The following PLTP variants were observed in gnomAD, a reference collection of about 807,000 sequenced individuals.
PLTP encodes BPI fold containing family E.
Under a neutral mutation model 54.1 loss-of-function variants are expected in PLTP, and 43 were observed. The observed-to-expected ratio is 0.79, with a 90% confidence interval of 0.62 to 1.02. PLTP has a LOEUF of 1.02. Ranked by LOEUF, PLTP falls within the 50% of genes least tolerant of loss-of-function variation. PLTP has a pLI of 0.00. For synonymous variants in PLTP, 263 were observed against 264.6 expected (o/e 0.99, Z 0.06); for missense variants, 604 against 645.9 (o/e 0.94, Z 0.70).
At chr20:45,899,405 G>C in intron 15 of PLTP, 57 bp downstream of exon 15, 6 of 1,563,346 alleles carry the variant, frequency 3.8e-6, no homozygotes, top group Non-Finnish European at 5.3e-6. Context: ...GAGGGCACTG[G>C]GGAGCTATAG....
rs1391285605 is a variant in PLTP, at chr20:45,903,293, C to T, written c.943-689G>A. ...CGGCTCACTGCAGCCTCAACCTCCT[C>T]AGCTCAAATTATCCTGCCACATCAG... On this transcript the variant is annotated intron_variant, in intron 10 of 15. Coordinates refer to ENST00000372431, the MANE Select transcript of PLTP (RefSeq NM_006227.4). 3.9e-5 allele frequency among the ~76,000 whole-genome samples: 6 copies of T among 152,346 alleles called. No homozygotes were observed. The East Asian group carries it at 1.2e-3, about 29-fold the overall frequency.
At position 45,904,793 on chromosome 20, in the gene PLTP, C is replaced by T; in HGVS notation, c.942+7G>A. 6.2e-7 allele frequency: 1 copy of T among 1,614,138 alleles called. No homozygotes were observed. Among genetic ancestry groups the T allele is most frequent in the East Asian group, 2.2e-5 (1 of 44,876 alleles). On this transcript the variant is annotated splice_region_variant and intron_variant, in intron 10 of 15. Coordinates refer to ENST00000372431, the MANE Select transcript of PLTP (RefSeq NM_006227.4). ...GTGGCCCTATCCCTGCCCCCGCCAG[C>T]ACTCACCAGCAGGACAATGCTCCCA...
Position 45,898,991 on chromosome 20 carries a change from C to T in PLTP, c.1432G>A (p.Ala478Thr). ...GGGGCAGTGGACGCCCTGACATCAGCAGGCCGGTTCTTCTCAATCACCTCT... is the reference window on the plus strand; with the variant it reads ...GGGGCAGTGGACGCCCTGACATCAGTAGGCCGGTTCTTCTCAATCACCTCT... ...LREVIEKNRP[A>T]DVRASTAPTP... The change falls in exon 16 of 16, where the codon GCT becomes ACT. Residue 478 changes from alanine (A) to threonine (T), a missense_variant. Physicochemically the swap from Ala to Thr is moderately conservative, Grantham distance 58. Transcript: ENST00000372431. This position sits in a 1 kb window ranked among gnomAD's most constrained non-coding sequence, Gnocchi z 4.6. 6.2e-7 allele frequency: 1 copy of T among 1,614,150 alleles called. No individual in the cohort carries two copies. The highest frequency in any genetic ancestry group is 8.5e-7 in the Non-Finnish European group (1 of 1,180,000).
chr20:45,898,877 G>T lies in PLTP; in HGVS notation c.*64C>A. On this transcript the variant is annotated 3_prime_UTR_variant, in exon 16 of 16. Transcript: ENST00000372431. The surrounding 1 kb of genome is among the most constrained non-coding windows in gnomAD (Gnocchi z 4.6). ...GGGGGCACTACAGGCTATGAATGTG[G>T]GAAAAGAGGGGCTGAGAGGGGTTGG... 6.3e-7 allele frequency: 1 copy of T among 1,586,360 alleles called. No individual in the cohort carries two copies. The highest frequency in any genetic ancestry group is 8.6e-7 in the Non-Finnish European group (1 of 1,163,090).
At chr20:45,908,007 C>T in intron 5 of PLTP, 103 bp from the exon 6 acceptor site, 1 of 1,010,110 alleles carries the variant, frequency 9.9e-7, no homozygotes, top group Non-Finnish European at 1.5e-6. Context: ...TAGGAGTCCT[C>T]AGCTTCAGCC....
chr20:45,898,902 G>A lies in PLTP; in HGVS notation c.*39C>T. On this transcript the variant is annotated 3_prime_UTR_variant, in exon 16 of 16. Transcript: ENST00000372431. This position sits in a 1 kb window ranked among gnomAD's most constrained non-coding sequence, Gnocchi z 4.6. ...GGAAAAGAGGGGCTGAGAGGGGTTGGGGTCCTGAATGACAGCTGCCAGCTT... is the reference window on the plus strand; with the variant it reads ...GGAAAAGAGGGGCTGAGAGGGGTTGAGGTCCTGAATGACAGCTGCCAGCTT... 1 of 1,609,544 alleles carries A rather than the reference G, an allele frequency of 6.2e-7. No homozygotes were observed. Among genetic ancestry groups the A allele is most frequent in the Non-Finnish European group, 8.5e-7 (1 of 1,177,078 alleles).
At chr20:45,909,785 A>AC in intron 4 of PLTP, 114 bp from the exon 5 acceptor site, 1 of 1,443,860 alleles carries the variant, frequency 6.9e-7, no homozygotes, top group Non-Finnish European at 9.7e-7. Flanking sequence ...ATCCTACCAA[A>AC]CCTTCCTATC....
chr20:45,901,919 T>G (rs866716642), intron 12 of PLTP, among the ~76,000 whole-genome samples: 5 of 149,696 alleles, frequency 3.3e-5, no homozygotes, highest in Admixed American at 6.7e-5. Context: ...AAAAAAAGAA[T>G]AATAACATTT....
chr20:45,904,143 T>C (rs2083213876), intron 10 of PLTP, among the ~76,000 whole-genome samples: 1 of 152,186 alleles, frequency 6.6e-6, no homozygotes, highest in Non-Finnish European at 1.5e-5. Flanking sequence ...AATTGGATGA[T>C]GATAATGACT....
intron 15 of PLTP, 105 bp from the exon 16 acceptor site, chr20:45,899,168 A>G (rs2083148692): frequency 3.4e-6 from 5 of 1,491,392 alleles, no homozygotes; most frequent in Non-Finnish European, 3.7e-6. Flanking sequence ...AATCTAATGG[A>G]TAATTCCATG....
chr20:45,910,141 T>G, intron 3 of PLTP, 71 bp from the exon 4 acceptor site: 1 of 1,565,732 alleles, frequency 6.4e-7, no homozygotes, highest in Non-Finnish European at 8.8e-7. Flanking sequence ...GAAATTTGTC[T>G]GCTCCCCTTT....
rs1395946240 is a variant in PLTP at position 45,904,934 on chromosome 20, T to C, written c.882+8A>G. 1 of 1,614,206 alleles carries C rather than the reference T, an allele frequency of 6.2e-7. No individual in the cohort carries two copies. Among genetic ancestry groups the C allele is most frequent in the Non-Finnish European group, 8.5e-7 (1 of 1,180,020 alleles). ...TCTTGCCCATCCCACAAACAGGCCA[T>C]GACATACCTTGTCCCCCACCAGCAA... is the stretch of plus-strand genomic sequence containing the variant. On this transcript the variant is annotated splice_region_variant and intron_variant, in intron 9 of 15. Coordinates refer to ENST00000372431, the MANE Select transcript of PLTP (RefSeq NM_006227.4).
chr20:45,904,239 T>C (rs1182378454), intron 10 of PLTP, among the ~76,000 whole-genome samples: 1 of 152,088 alleles, frequency 6.6e-6, no homozygotes, highest in African/African-American at 2.4e-5. Flanking sequence ...CAAAAATGGG[T>C]GATCACTTGA....
In PLTP at chr20:45,911,388, C is replaced by T; in HGVS notation, c.65G>A (p.Cys22Tyr). Residue 22 changes from cysteine (C) to tyrosine (Y), a missense_variant, in exon 2 of 16, where the codon TGC becomes TAC. By Grantham distance (194) the Cys-to-Tyr change is radical. Coordinates refer to ENST00000372431, the MANE Select transcript of PLTP (RefSeq NM_006227.4). ...LAGAHAEFPG[C>Y]KIRVTSKALE... ...CGCCTTGGAGGTGACGCGGATCTTG[C>T]AGCCTGGGAACTCTGCATGTGCGCC... 1 of 1,611,160 alleles carries T rather than the reference C, an allele frequency of 6.2e-7. No individual in the cohort carries two copies. The highest frequency in any genetic ancestry group is 8.5e-7 in the Non-Finnish European group (1 of 1,180,010).
chr20:45,900,098 C>CTTT lies in PLTP; in HGVS notation c.1176-223_1176-221dup, dbSNP rs71181874. ...GCTACTTTTTATTTATTGAGCACCTCTTTTTTTTTTTTTTTTTTTTTTTTT... is the reference window on the plus strand; with the variant it reads ...GCTACTTTTTATTTATTGAGCACCTCTTTTTTTTTTTTTTTTTTTTTTTTTTTT... On this transcript the variant is annotated intron_variant, in intron 12 of 15. Coordinates refer to ENST00000372431, the MANE Select transcript of PLTP (RefSeq NM_006227.4). Among the ~76,000 whole-genome samples, 115 of 55,746 alleles carry CTTT rather than the reference C, an allele frequency of 2.1e-3. 14 individuals are homozygous for CTTT. The highest frequency in any genetic ancestry group is 7.5e-3 in the African/African-American group (106 of 14,044). The allele number at this position is 55,746 out of a possible 152,430, so 36.6% of individuals were successfully genotyped here. A position where few individuals can be genotyped will look rare whatever the true frequency, so the allele number is the denominator to read the frequency against.
chr20:45,899,327 G>A (rs564536564), intron 15 of PLTP, 135 bp downstream of exon 15: 23 of 994,822 alleles, frequency 2.3e-5, no homozygotes, highest in East Asian at 1.3e-4. Flanking sequence ...TGTGTGCAAC[G>A]GCTTTTAGGA....
At chr20:45,902,375 G>T in intron 11 of PLTP, 41 bp from the exon 12 acceptor site, 1 of 1,614,008 alleles carries the variant, frequency 6.2e-7, no homozygotes, top group Non-Finnish European at 8.5e-7. Flanking sequence ...GACCCAGAAG[G>T]TCAGTAACCC....
At position 45,899,487 on chromosome 20, in the gene PLTP, A is replaced by C. The variant is rs372280032; in HGVS notation, c.1334T>G (p.Val445Gly). 115 of 1,613,902 alleles carry C rather than the reference A, an allele frequency of 7.1e-5. No individual in the cohort carries two copies. In the South Asian group the frequency reaches 1.2e-3, roughly 16 times the overall value. Residue 445 changes from valine to glycine, a missense_variant, in exon 15 of 16, where the codon GTG becomes GGG. By Grantham distance (109) the Val-to-Gly change is moderately radical. Transcript: ENST00000372431. Reference sequence around the variant, plus strand: ...CGCATGGTTCGTCACCACCTCATGCACAAAGTTGATGCCCTCAGGTAGTGG... The same window carrying C: ...CGCATGGTTCGTCACCACCTCATGCCCAAAGTTGATGCCCTCAGGTAGTGG... ...QIPLPEGINF[V>G]HEVVTNHAGF...
In PLTP at chr20:45,910,193, C is replaced by A. The variant is rs1233255520; in HGVS notation, c.201-123G>T. The A allele has an allele frequency of 5.5e-6, 6 of 1,090,012 alleles. No homozygotes were observed. In the Admixed American group the frequency reaches 9.5e-5, roughly 17 times the overall value. 67.5% of individuals were successfully genotyped at this position (1,090,012 alleles called of 1,614,324 possible). On this transcript the variant is annotated intron_variant, in intron 3 of 15. Transcript: ENST00000372431. ...GAAGCGGGAGTGGGTGGAATGAATTCTTCCATTGTCCCTCAAGTGCCCAAC... is the reference window on the plus strand; with the variant it reads ...GAAGCGGGAGTGGGTGGAATGAATTATTCCATTGTCCCTCAAGTGCCCAAC...
Sources: gnomAD v4.1 joint callset for allele counts (sites outside exome capture counted in the v4.1 genomes callset) on GRCh38, gnomAD v4.1.1 for gene constraint, Gnocchi (gnomAD v3.1) non-coding constraint, MANE v1.5 for transcripts, NCBI Gene and HGNC (gene_info 2026-07-23, HGNC 2026-07-21) for gene names.